Variants in YWHAE observed in about 807,000 individuals in gnomAD.
The protein encoded by YWHAE is 14-3-3 protein epsilon.
In YWHAE, 4 loss-of-function variants were observed where a neutral mutation model predicts 30.1. That is an observed-to-expected ratio of 0.13 (90% CI 0.07 to 0.30). The LOEUF (loss-of-function observed/expected upper bound fraction) is 0.30, where lower values mean the gene tolerates loss of function less well. Ranked by LOEUF, YWHAE falls within the 10% of genes least tolerant of loss-of-function variation. YWHAE has a pLI of 1.00. For missense variants in YWHAE, 121 were observed against 315.9 expected (o/e 0.38, Z 4.68); for synonymous variants, 118 against 111.8 (o/e 1.06, Z -0.35).
chr17:1,360,251 T>C (rs2072842609), intron 4 of YWHAE, among the ~76,000 whole-genome samples: 2 of 152,070 alleles, frequency 1.3e-5, no homozygotes, highest in Non-Finnish European at 2.9e-5. Flanking sequence ...CGTGAGCCAC[T>C]GCACCCAGGC....
At chr17:1,360,526 C>T (rs1433964348) in intron 4 of YWHAE, among the ~76,000 whole-genome samples, 2 of 152,000 alleles carry the variant, frequency 1.3e-5, no homozygotes, top group South Asian at 2.1e-4. Context: ...CTTTGGGAGG[C>T]GAAGGCGGGC....
At chr17:1,380,795 C>G (rs550898895) in intron 1 of YWHAE, among the ~76,000 whole-genome samples, 19 of 152,184 alleles carry the variant, frequency 1.2e-4, no homozygotes, top group Non-Finnish European at 2.2e-4. Context: ...AATCCCATAT[C>G]TGTGCTTTTG....
chr17:1,377,889 A>G (rs891303875), intron 1 of YWHAE, among the ~76,000 whole-genome samples: 1 of 152,086 alleles, frequency 6.6e-6, no homozygotes, highest in African/African-American at 2.4e-5. Flanking sequence ...TCTCTACTAA[A>G]AATACAAAAA....
intron 1 of YWHAE, chr17:1,398,912 G>A (rs2073517617): frequency 6.6e-6 from 1 of 152,142 alleles, no homozygotes; most frequent in Non-Finnish European, 1.5e-5. Context: ...CGGAAAAAAA[G>A]AAAGCAACAG....
chr17:1,347,425 A>G (rs564024805), intron 5 of YWHAE, among the ~76,000 whole-genome samples: 1 of 152,092 alleles, frequency 6.6e-6, no homozygotes, highest in Non-Finnish European at 1.5e-5. Flanking sequence ...CTATTTCTGC[A>G]GTGAGCTTTG....
At chr17:1,353,052 G>A (rs1281051625) in intron 5 of YWHAE, among the ~76,000 whole-genome samples, 1 of 151,890 alleles carries the variant, frequency 6.6e-6, no homozygotes, top group Non-Finnish European at 1.5e-5. Flanking sequence ...AACAAATTTG[G>A]GCTCCTGTAT....
chr17:1,381,275 G>A (rs888296212), intron 1 of YWHAE, among the ~76,000 whole-genome samples: 1 of 152,040 alleles, frequency 6.6e-6, no homozygotes, highest in African/African-American at 2.4e-5. Context: ...AGCACTTTTG[G>A]AGGCTGAGGC....
intron 1 of YWHAE, among the ~76,000 whole-genome samples, chr17:1,392,910 A>G (rs2073410142): frequency 6.6e-6 from 1 of 151,324 alleles, no homozygotes; most frequent in Non-Finnish European, 1.5e-5. Flanking sequence ...AGCATTCACT[A>G]AGACAAAGGT....
In YWHAE at chr17:1,371,818, C is replaced by T. The variant is rs985530502; in HGVS notation, c.65-6760G>A. On this transcript the variant is annotated intron_variant, in intron 1 of 5. Transcript: ENST00000264335. Reference sequence around the variant, plus strand: ...TAATTTGCTGCAGCATCTACATCAGCACATGCTACTTGACCCTGTACTTTT... The same window carrying T: ...TAATTTGCTGCAGCATCTACATCAGTACATGCTACTTGACCCTGTACTTTT... 3.3e-5 allele frequency among the ~76,000 whole-genome samples: 5 copies of T among 151,458 alleles called. No individual in the cohort carries two copies. The South Asian group carries it at 8.3e-4, about 25-fold the overall frequency.
At chr17:1,348,291 A>G (rs1352158762) in intron 5 of YWHAE, among the ~76,000 whole-genome samples, 2 of 152,214 alleles carry the variant, frequency 1.3e-5, no homozygotes, top group African/African-American at 4.8e-5. Context: ...AGAGGGGAAC[A>G]GGCAGGGAGA....
At chr17:1,381,832 G>A (rs1298609606) in intron 1 of YWHAE, among the ~76,000 whole-genome samples, 2 of 147,696 alleles carry the variant, frequency 1.4e-5, no homozygotes, top group East Asian at 2.0e-4. Flanking sequence ...AGGATCACTG[G>A]AACGTGAGAG....
chr17:1,351,424 G>C (rs1227898282), intron 5 of YWHAE, among the ~76,000 whole-genome samples: 1 of 151,480 alleles, frequency 6.6e-6, no homozygotes, highest in Admixed American at 6.6e-5. Flanking sequence ...TTTCAAGTCA[G>C]GTCACTTTCA....
intron 1 of YWHAE, among the ~76,000 whole-genome samples, chr17:1,388,118 G>GTTTTTTTTTTTTTTTTTTTTT (rs1297503908): frequency 1.3e-4 from 2 of 15,504 alleles, no homozygotes; most frequent in Non-Finnish European, 1.9e-4. Context: ...TTTTTGGTTG[G>GTTTTTTTTTTTTTTTTTTTTT]TTTTTTTTTT....
chr17:1,361,057 C>A, intron 4 of YWHAE, 35 bp downstream of exon 4: 2 of 1,595,642 alleles, frequency 1.3e-6, no homozygotes, highest in Non-Finnish European at 8.6e-7. Context: ...CCTTAACTTT[C>A]ACGCTGAGCG....
chr17:1,369,555 A>G (rs2072998180), intron 1 of YWHAE, among the ~76,000 whole-genome samples: 1 of 152,158 alleles, frequency 6.6e-6, no homozygotes, highest in Non-Finnish European at 1.5e-5. Flanking sequence ...TTCTGCAATC[A>G]TCATAATTTT....
chr17:1,350,015 C>T lies in YWHAE; in HGVS notation c.715+4196G>A, dbSNP rs578076055. ...TTGCCCAGGCTGGAGTGCAACGGCG[C>T]GATCTCAGTTGATCACAACCTCCAA... On this transcript the variant is annotated intron_variant, in intron 5 of 5. Transcript: ENST00000264335. 2.0e-4 allele frequency among the ~76,000 whole-genome samples: 30 copies of T among 149,214 alleles called. 1 individual carries two copies. The highest frequency in any genetic ancestry group is 1.7e-3 in the Admixed American group (25 of 14,978).
At chr17:1,389,094 T>G (rs2073351192) in intron 1 of YWHAE, among the ~76,000 whole-genome samples, 1 of 151,978 alleles carries the variant, frequency 6.6e-6, no homozygotes, top group Non-Finnish European at 1.5e-5. Context: ...GCCTCCCAAG[T>G]AGCTGAGACT....
chr17:1,355,625 C>T (rs2072727749), intron 4 of YWHAE, among the ~76,000 whole-genome samples: 1 of 152,058 alleles, frequency 6.6e-6, no homozygotes, highest in South Asian at 2.1e-4. Context: ...TTACTGAGTA[C>T]TGTGTACTAT....
chr17:1,362,113 G>GA, intron 2 of YWHAE, 105 bp from the exon 3 acceptor site: 1 of 618,846 alleles, frequency 1.6e-6, no homozygotes. Context: ...GTATTAAAAA[G>GA]AATTTGTATC....
Sources: gnomAD v4.1 joint callset for allele counts (sites outside exome capture counted in the v4.1 genomes callset) on GRCh38, gnomAD v4.1.1 for gene constraint, MANE v1.5 for transcripts, NCBI Gene and HGNC (gene_info 2026-07-23, HGNC 2026-07-21) for gene names.